MPND: variants seen among roughly 807,000 people sequenced by gnomAD.
MPND encodes the protein MPN domain-containing protein.
A neutral mutation model predicts 59.2 loss-of-function variants in MPND; 56 were observed. That is an observed-to-expected ratio of 0.95 (90% CI 0.76 to 1.18). MPND has a LOEUF of 1.18. Among genes scored for constraint, MPND ranks in the 50% most tolerant of loss-of-function variants. The pLI, the probability that MPND is intolerant of heterozygous loss-of-function variation, is 0.00. For missense variants in MPND, 671 were observed against 676.0 expected (o/e 0.99, Z 0.08); for synonymous variants, 323 against 291.9 (o/e 1.11, Z -1.09).
In MPND at chr19:4,357,275, G is replaced by A. The variant is rs767038772; in HGVS notation, c.1019G>A (p.Arg340Gln). The A allele has an allele frequency of 2.8e-5, 45 of 1,609,206 alleles. No individual in the cohort carries two copies. Among genetic ancestry groups the A allele is most frequent in the African/African-American group, 1.6e-4 (12 of 74,848 alleles). ...CAGATCTACCAGAGCCTGTTCCTGC[G>A]GGGCCTGTCCCTGGTGGGCTGGTAC... ...EEEIYQSLFL[R>Q]GLSLVGWYHS... is the part of the protein sequence containing the mutation. The change falls in exon 9 of 13, where the codon CGG becomes CAG. Residue 340 changes from arginine (R) to glutamine (Q), a missense_variant. Coordinates refer to ENST00000599840, the MANE Select transcript of MPND (RefSeq NM_001300862.2).
chr19:4,343,724 C>T lies in MPND; in HGVS notation c.24C>T (p.Ser8=). The part of the protein sequence containing the change: MAAPEPL[S]PAGGAGEEAP... ...TGTCCGCAGCTCCGGAGCCGCTGTC[C>T]CCGGCGGGCGGTGCGGGCGAGGAGG... Residue 8 remains serine (S), a synonymous_variant, in exon 2 of 13, where the codon TCC becomes TCT. Coordinates refer to ENST00000599840, the MANE Select transcript of MPND (RefSeq NM_001300862.2). 8.3e-7 allele frequency: 1 copy of T among 1,205,184 alleles called. No homozygotes were observed. Among genetic ancestry groups the T allele is most frequent in the Non-Finnish European group, 1.0e-6 (1 of 970,872 alleles). 74.7% of individuals were successfully genotyped at this position (1,205,184 alleles called of 1,614,324 possible). A position where few individuals can be genotyped will look rare whatever the true frequency, so the allele number is the denominator to read the frequency against.
chr19:4,360,057 T>G lies in MPND; in HGVS notation c.*55T>G. ...TCTTGAGGGTCCGGATGGGCTCAGG[T>G]AATAAAGAAACGGAAGCAGCAGCCA... On this transcript the variant is annotated 3_prime_UTR_variant, in exon 13 of 13. Coordinates refer to ENST00000599840, the MANE Select transcript of MPND (RefSeq NM_001300862.2). 6.8e-7 allele frequency: 1 copy of G among 1,471,158 alleles called. No individual in the cohort carries two copies. The highest frequency in any genetic ancestry group is 9.3e-7 in the Non-Finnish European group (1 of 1,079,410). The allele number at this position is 1,471,158 out of a possible 1,614,324, so 91.1% of individuals were successfully genotyped here.
chr19:4,359,769 A>G lies in MPND; in HGVS notation c.1420-147A>G. On this transcript the variant is annotated intron_variant, in intron 12 of 12. Coordinates refer to ENST00000599840, the MANE Select transcript of MPND (RefSeq NM_001300862.2). ...CGGTTACATACTGCCCCACTGGGTAAGCAGCAGGCTGTGCTGCGGGACCCC... is the reference window on the plus strand; with the variant it reads ...CGGTTACATACTGCCCCACTGGGTAGGCAGCAGGCTGTGCTGCGGGACCCC... The G allele has an allele frequency of 6.5e-6, 4 of 615,700 alleles. No individual in the cohort carries two copies. The South Asian group carries it at 8.1e-5, about 12-fold the overall frequency. 38.1% of individuals were successfully genotyped at this position (615,700 alleles called of 1,614,324 possible). A position where few individuals can be genotyped will look rare whatever the true frequency, so the allele number is the denominator to read the frequency against.
In MPND at chr19:4,343,885, G is replaced by C; in HGVS notation, c.185G>C (p.Gly62Ala). ...GGGGGGAGAG[G>A]CGGPGGALTR... ...GGCGGCGGCGGGGCCGGGGCGGGGG[G>C]CTGCGGCGGGCCCGGGGGCGCGCTC... The change falls in exon 2 of 13, where the codon GGC becomes GCC. Residue 62 changes from glycine to alanine, a missense_variant. Gly to Ala is a moderately conservative substitution (Grantham distance 60, BLOSUM62 0). Transcript: ENST00000599840. 2 of 1,238,026 alleles carry C rather than the reference G, an allele frequency of 1.6e-6. No homozygotes were observed. The highest frequency in any genetic ancestry group is 2.0e-6 in the Non-Finnish European group (2 of 995,166). 76.7% of individuals were successfully genotyped at this position (1,238,026 alleles called of 1,614,324 possible). A position where few individuals can be genotyped will look rare whatever the true frequency, so the allele number is the denominator to read the frequency against.
intron 3 of MPND, 79 bp downstream of exon 3, chr19:4,346,060 C>T (rs943261735): frequency 9.1e-6 from 11 of 1,215,322 alleles, no homozygotes; most frequent in African/African-American, 1.5e-5. Flanking sequence ...CAGCTCTCTC[C>T]GGAGGAGGTA....
At chr19:4,345,565 T>C (rs1324013409) in intron 2 of MPND, among the ~76,000 whole-genome samples, 180 bp from the exon 3 acceptor site, 1 of 152,178 alleles carries the variant, frequency 6.6e-6, no homozygotes, top group Admixed American at 6.5e-5. Context: ...TGGTGCAGGC[T>C]GATCAGGTTT....
chr19:4,352,977 G>A lies in MPND; in HGVS notation c.612G>A (p.Glu204=), dbSNP rs889401328. 15 of 1,382,236 alleles carry A rather than the reference G, an allele frequency of 1.1e-5. No individual in the cohort carries two copies. Among genetic ancestry groups the A allele is most frequent in the Non-Finnish European group, 1.4e-5 (15 of 1,059,704 alleles). The allele number at this position is 1,382,236 out of a possible 1,614,324, so 85.6% of individuals were successfully genotyped here. The change falls in exon 4 of 13, where the codon GAG becomes GAA. Residue 204 remains glutamate (E), a synonymous_variant. Coordinates refer to ENST00000599840, the MANE Select transcript of MPND (RefSeq NM_001300862.2). ...EEDVLAGVSA[E]DKSRRPLGKS... ...ACGTTCTGGCAGGGGTCTCAGCAGA[G>A]GACAAGAGTCGGAGACCACTGGGGA...
chr19:4,354,196 C>T (rs1256536107), intron 5 of MPND, 67 bp downstream of exon 5: 4 of 1,557,122 alleles, frequency 2.6e-6, no homozygotes, highest in Non-Finnish European at 2.6e-6. Context: ...CTTGGGGTAG[C>T]AAGGGCAGGG....
chr19:4,357,613 G>A, intron 10 of MPND, 28 bp downstream of exon 10: 2 of 1,590,188 alleles, frequency 1.3e-6, no homozygotes, highest in Non-Finnish European at 1.7e-6. Flanking sequence ...GAGAGCCTGG[G>A]GGGCCCGGGA....
At chr19:4,357,732 C>T in intron 10 of MPND, 147 bp downstream of exon 10, 1 of 779,734 alleles carries the variant, frequency 1.3e-6, no homozygotes, top group Non-Finnish European at 2.0e-6. Flanking sequence ...TGACTGCTGC[C>T]CTGCCCATAT....
intron 3 of MPND, among the ~76,000 whole-genome samples, chr19:4,352,019 A>G (rs1211973505): frequency 6.6e-6 from 1 of 151,478 alleles, no homozygotes; most frequent in Non-Finnish European, 1.5e-5. Context: ...CTAAAAAGAC[A>G]AAAATTAGCC....
At chr19:4,357,011 CAAAA>C in intron 8 of MPND, 1 of 412,070 alleles carries the variant, frequency 2.4e-6, no homozygotes, top group Non-Finnish European at 4.3e-6. Flanking sequence ...CAGCAGTGAA[CAAAA>C]TGACTTTGGT....
At chr19:4,348,112 G>C (rs1329036725) in intron 3 of MPND, 1 of 149,176 alleles carries the variant, frequency 6.7e-6, no homozygotes, top group Non-Finnish European at 1.5e-5. Context: ...GGCTGGTCTC[G>C]AACTCCTGAC....
chr19:4,352,840 GC>G lies in MPND; in HGVS notation c.532-56del, dbSNP rs775241893. ...GGGCTGGGGTGGGATTTAGCAGGGA[GC>G]GGGGGGGCACCCAGCTGAGGGTCCC... On this transcript the variant is annotated intron_variant, in intron 3 of 12. Transcript: ENST00000599840. 2,395 of 1,288,546 alleles carry G rather than the reference GC, an allele frequency of 1.9e-3. 7 individuals carry two copies. The highest frequency in any genetic ancestry group is 0.013 in the South Asian group (407 of 31,024). The allele number at this position is 1,288,546 out of a possible 1,614,324, so 79.8% of individuals were successfully genotyped here.
chr19:4,343,847 C>G lies in MPND; in HGVS notation c.147C>G (p.Val49=). The part of the protein sequence containing the change: ...GGRSGGGGSS[V]SGGGGGGGAG... ...GCAGTGGCGGCGGCGGCAGTAGCGT[C>G]AGCGGAGGAGGCGGCGGCGGCGGGG... The change falls in exon 2 of 13, where the codon GTC becomes GTG. Residue 49 remains valine, a synonymous_variant. Coordinates refer to ENST00000599840, the MANE Select transcript of MPND (RefSeq NM_001300862.2). 3.3e-6 allele frequency: 4 copies of G among 1,210,776 alleles called. No homozygotes were observed. Among genetic ancestry groups the G allele is most frequent in the Non-Finnish European group, 4.1e-6 (4 of 977,226 alleles). The allele number at this position is 1,210,776 out of a possible 1,614,324, so 75.0% of individuals were successfully genotyped here. A position where few individuals can be genotyped will look rare whatever the true frequency, so the allele number is the denominator to read the frequency against.
chr19:4,359,696 A>T (rs925212149), intron 12 of MPND, among the ~76,000 whole-genome samples: 1 of 152,000 alleles, frequency 6.6e-6, no homozygotes, highest in African/African-American at 2.4e-5. Flanking sequence ...GTGTGCACAT[A>T]AGCCCCACCC....
Position 4,357,533 on chromosome 19 carries a change from A to T in MPND, c.1184A>T (p.Asn395Ile). Residue 395 changes from asparagine (N) to isoleucine (I), a missense_variant, in exon 10 of 13, where the codon AAC becomes ATC. Physicochemically the swap from Asn to Ile is moderately radical, Grantham distance 149. Transcript: ENST00000599840. ...ALLCSPYYSG[N>I]PGPESKISPF... The stretch of plus-strand genomic sequence containing the variant: ...CCGCCAGCCCCTTACTATTCTGGCA[A>T]CCCAGGCCCCGAGTCCAAGATCTCA... 2 of 1,613,654 alleles carry T rather than the reference A, an allele frequency of 1.2e-6. No individual in the cohort carries two copies. The highest frequency in any genetic ancestry group is 3.3e-5 in the Admixed American group (2 of 59,964).
At position 4,345,944 on chromosome 19, in the gene MPND, T is replaced by C. The variant is rs1247001766; in HGVS notation, c.494T>C (p.Leu165Pro). 2.5e-6 allele frequency: 4 copies of C among 1,612,998 alleles called. No homozygotes were observed. In the East Asian group the frequency reaches 6.7e-5, roughly 27 times the overall value. ...LDKYKATWLR[L>P]HQLHTPATAA... ...AAGTACAAGGCCACCTGGCTCCGGCTGCACCAGCTGCACACGCCTGCCACG... is the reference window on the plus strand; with the variant it reads ...AAGTACAAGGCCACCTGGCTCCGGCCGCACCAGCTGCACACGCCTGCCACG... Residue 165 changes from leucine to proline, a missense_variant, in exon 3 of 13, where the codon CTG (leucine) becomes CCG (proline). Coordinates refer to ENST00000599840, the MANE Select transcript of MPND (RefSeq NM_001300862.2).
In MPND at chr19:4,357,749, G is replaced by A. The variant is rs569281508; in HGVS notation, c.1236+164G>A. On this transcript the variant is annotated intron_variant, in intron 10 of 12. Transcript: ENST00000599840. ...ACTGCTGCCCTGCCCATATTTTGGT[G>A]AGGTCCTGGGCGTGGGGCCTCCGTT... The A allele has an allele frequency of 7.9e-5, 56 of 704,888 alleles. 1 individual carries two copies. The African/African-American group carries it at 9.3e-4, about 12-fold the overall frequency. 43.7% of individuals were successfully genotyped at this position (704,888 alleles called of 1,614,324 possible).
Sources: gnomAD v4.1 joint callset for allele counts (sites outside exome capture counted in the v4.1 genomes callset) on GRCh38, gnomAD v4.1.1 for gene constraint, MANE v1.5 for transcripts, NCBI Gene and HGNC (gene_info 2026-07-23, HGNC 2026-07-21) for gene names.